The following FNDC3B variants were observed in gnomAD, a reference collection of about 807,000 sequenced individuals.
The protein encoded by FNDC3B is fibronectin type III domain-containing protein 3B.
Under a neutral mutation model 151.5 loss-of-function variants are expected in FNDC3B, and 12 were observed. The observed-to-expected ratio is 0.08, with a 90% confidence interval of 0.05 to 0.13. FNDC3B has a LOEUF of 0.13. Ranked by LOEUF, FNDC3B falls within the 10% of genes least tolerant of loss-of-function variation. The pLI is 1.00. For missense variants in FNDC3B, 1,214 were observed against 1,505.3 expected (o/e 0.81, Z 3.20); for synonymous variants, 528 against 549.0 (o/e 0.96, Z 0.54).
intron 11 of FNDC3B, among the ~76,000 whole-genome samples, chr3:172,316,160 A>G (rs1453145529): frequency 3.3e-5 from 5 of 151,690 alleles, no homozygotes; most frequent in African/African-American, 1.2e-4. Flanking sequence ...GGCGTCTGCC[A>G]CCACACCCAG....
intron 23 of FNDC3B, among the ~76,000 whole-genome samples, chr3:172,372,437 G>C (rs985587831): frequency 6.6e-6 from 1 of 152,152 alleles, no homozygotes; most frequent in African/African-American, 2.4e-5. Flanking sequence ...TGACTTTATT[G>C]AGCATATGGT....
At chr3:172,161,991 G>C (rs866629621) in intron 3 of FNDC3B, among the ~76,000 whole-genome samples, 28 of 146,814 alleles carry the variant, frequency 1.9e-4, no homozygotes, top group Admixed American at 4.0e-4. Flanking sequence ...TTTTTTTTTG[G>C]GGGGGGACAG....
chr3:172,113,900 C>T (rs996344827), intron 2 of FNDC3B, among the ~76,000 whole-genome samples: 2 of 152,166 alleles, frequency 1.3e-5, no homozygotes, highest in Non-Finnish European at 2.9e-5. Flanking sequence ...TTGGCTTTAT[C>T]TCAGGAGTGT....
chr3:172,384,809 G>A (rs1456849153), intron 25 of FNDC3B, among the ~76,000 whole-genome samples: 1 of 152,148 alleles, frequency 6.6e-6, no homozygotes, highest in Non-Finnish European at 1.5e-5. Flanking sequence ...TATATATTTA[G>A]ACCCATGGCC....
At chr3:172,329,982 C>A (rs982665683) in intron 12 of FNDC3B, 3 of 152,210 alleles carry the variant, frequency 2.0e-5, no homozygotes, top group African/African-American at 7.2e-5. Flanking sequence ...TTTGAAGGCT[C>A]CTTGACCCGT....
intron 3 of FNDC3B, among the ~76,000 whole-genome samples, chr3:172,199,366 A>C (rs970360067): frequency 6.0e-5 from 9 of 150,270 alleles, no homozygotes; most frequent in African/African-American, 2.2e-4. Flanking sequence ...TTTTTAGTAG[A>C]GACGGGGTTT....
chr3:172,064,186 T>C (rs146545626), intron 1 of FNDC3B, among the ~76,000 whole-genome samples: 7 of 152,256 alleles, frequency 4.6e-5, no homozygotes, highest in African/African-American at 1.7e-4. Context: ...GGAGCCTGAT[T>C]GCCCCTCCAC....
chr3:172,312,126 T>C (rs919913773), intron 11 of FNDC3B, among the ~76,000 whole-genome samples: 1 of 152,146 alleles, frequency 6.6e-6, no homozygotes, highest in African/African-American at 2.4e-5. Flanking sequence ...TTTAACCAAA[T>C]GTAAAATGAA....
chr3:172,324,413 A>G (rs1732239635), intron 11 of FNDC3B, among the ~76,000 whole-genome samples: 2 of 152,160 alleles, frequency 1.3e-5, no homozygotes, highest in South Asian at 4.1e-4. Context: ...ATAAGCAACA[A>G]CTGTGAATTA....
At chr3:172,144,748 A>G (rs1408303771) in intron 3 of FNDC3B, among the ~76,000 whole-genome samples, 6 of 152,018 alleles carry the variant, frequency 3.9e-5, no homozygotes, top group East Asian at 3.9e-4. Flanking sequence ...CTTTTCCTCA[A>G]CTTGGGTATT....
chr3:172,317,458 A>G (rs780597489), intron 11 of FNDC3B, among the ~76,000 whole-genome samples: 1 of 152,192 alleles, frequency 6.6e-6, no homozygotes, highest in Admixed American at 6.5e-5. Context: ...TGCTGGGATT[A>G]CAGGCGTGAG....
chr3:172,283,663 G>T (rs1729856150), intron 6 of FNDC3B, among the ~76,000 whole-genome samples: 1 of 152,184 alleles, frequency 6.6e-6, no homozygotes, highest in African/African-American at 2.4e-5. Flanking sequence ...ACAATAACCA[G>T]AAATTGAGAA....
chr3:172,217,573 A>T (rs1487740778), intron 3 of FNDC3B, among the ~76,000 whole-genome samples: 1 of 152,096 alleles, frequency 6.6e-6, no homozygotes, highest in Non-Finnish European at 1.5e-5. Flanking sequence ...TGCACAATGA[A>T]TGTTGATTGA....
intron 21 of FNDC3B, among the ~76,000 whole-genome samples, chr3:172,351,253 T>A (rs963679960): frequency 1.8e-4 from 28 of 152,344 alleles, no homozygotes; most frequent in African/African-American, 5.8e-4. Flanking sequence ...AGGTGGCACC[T>A]ACAGACCTTC....
At chr3:172,091,802 G>A (rs893203698) in intron 1 of FNDC3B, among the ~76,000 whole-genome samples, 5 of 150,818 alleles carry the variant, frequency 3.3e-5, no homozygotes, top group Non-Finnish European at 7.4e-5. Context: ...GACAAGAGTA[G>A]TCACTAAAGA....
intron 7 of FNDC3B, among the ~76,000 whole-genome samples, chr3:172,292,128 T>C (rs1284195226): frequency 6.6e-6 from 1 of 152,160 alleles, no homozygotes; most frequent in East Asian, 1.9e-4. Flanking sequence ...TTCCATTGCC[T>C]AAACAAGGGA....
intron 6 of FNDC3B, among the ~76,000 whole-genome samples, chr3:172,281,276 T>C (rs181630146): frequency 0.096 from 14,514 of 151,072 alleles, 788 homozygotes; most frequent in African/African-American, 0.14. Flanking sequence ...GACGGAGTCT[T>C]GCTCTGTTGC....
intron 1 of FNDC3B, among the ~76,000 whole-genome samples, chr3:172,111,196 A>G (rs1301996496): frequency 6.6e-6 from 1 of 152,072 alleles, no homozygotes; most frequent in East Asian, 1.9e-4. Context: ...AAAGTATATT[A>G]GGAATGAAAT....
intron 3 of FNDC3B, among the ~76,000 whole-genome samples, chr3:172,204,224 A>T (rs1357517522): frequency 2.0e-5 from 3 of 152,178 alleles, no homozygotes; most frequent in Non-Finnish European, 4.4e-5. Context: ...TCACTGTAGC[A>T]TCCATAGTCT....
Sources: allele counts gnomAD v4.1 joint callset (sites outside exome capture counted in the v4.1 genomes callset), GRCh38; gene constraint gnomAD v4.1.1; transcripts MANE v1.5; gene names NCBI Gene and HGNC (gene_info 2026-07-23, HGNC 2026-07-21).